The following GUCY1A2 variants were observed in gnomAD, a reference collection of about 807,000 sequenced individuals.
GUCY1A2 encodes the protein guanylate cyclase 1 soluble subunit alpha 2, also known as guanylate cyclase soluble subunit alpha-2.
GUCY1A2 carries 27 observed loss-of-function variants against 63.5 expected under a neutral mutation model. The ratio of observed to expected loss-of-function variants is 0.43; its 90% CI spans 0.31 to 0.59. The LOEUF (loss-of-function observed/expected upper bound fraction) is 0.59. Ranked by LOEUF, GUCY1A2 falls within the 20% of genes least tolerant of loss-of-function variation. The pLI is 0.11. For synonymous variants in GUCY1A2, 364 were observed against 343.5 expected (o/e 1.06, Z -0.66); for missense variants, 768 against 913.3 (o/e 0.84, Z 2.05).
At chr11:106,742,771 TC>T (rs1293739308) in intron 6 of GUCY1A2, among the ~76,000 whole-genome samples, 1 of 152,184 alleles carries the variant, frequency 6.6e-6, no homozygotes, top group Non-Finnish European at 1.5e-5. Context: ...CACACTGTCT[TC>T]CACAATGGTT....
At chr11:106,841,517 A>G (rs1859197820) in intron 4 of GUCY1A2, among the ~76,000 whole-genome samples, 1 of 151,954 alleles carries the variant, frequency 6.6e-6, no homozygotes, top group Non-Finnish European at 1.5e-5. Flanking sequence ...TGAACGAAAT[A>G]AAGCATTCCA....
At chr11:106,731,262 C>A (rs565985570) in intron 6 of GUCY1A2, among the ~76,000 whole-genome samples, 2 of 151,750 alleles carry the variant, frequency 1.3e-5, no homozygotes, top group East Asian at 3.9e-4. Context: ...GATTCATCAC[C>A]TAAAGAGAAC....
chr11:106,914,142 A>G (rs1860336245), intron 4 of GUCY1A2, among the ~76,000 whole-genome samples: 1 of 152,040 alleles, frequency 6.6e-6, no homozygotes, highest in Non-Finnish European at 1.5e-5. Flanking sequence ...GCAACTGTGT[A>G]GTAAGTATAT....
intron 4 of GUCY1A2, among the ~76,000 whole-genome samples, chr11:106,810,698 C>A (rs1184055713): frequency 6.6e-6 from 1 of 151,848 alleles, no homozygotes; most frequent in African/African-American, 2.4e-5. Flanking sequence ...TTTCTAAAGA[C>A]AATAATGAAA....
At chr11:106,773,383 T>C (rs1028644698) in intron 6 of GUCY1A2, among the ~76,000 whole-genome samples, 3 of 152,192 alleles carry the variant, frequency 2.0e-5, no homozygotes, top group Non-Finnish European at 2.9e-5. Context: ...TTCCCAACTA[T>C]ATGGTATACC....
intron 6 of GUCY1A2, among the ~76,000 whole-genome samples, chr11:106,770,953 A>T (rs1421366086): frequency 6.6e-6 from 1 of 151,656 alleles, no homozygotes; most frequent in Non-Finnish European, 1.5e-5. Context: ...TCTAGTTCAC[A>T]ATGTTTCCTG....
In GUCY1A2 at chr11:106,676,830, T is replaced by G. The variant is rs976644554; in HGVS notation, c.*10719A>C. 1 of 199,102 alleles carries G rather than the reference T, an allele frequency of 5.0e-6. No individual in the cohort carries two copies. Among genetic ancestry groups the G allele is most frequent in the African/African-American group, 2.3e-5 (1 of 43,434 alleles). The allele number at this position is 199,102 out of a possible 1,614,324, so 12.3% of individuals were successfully genotyped here. On this transcript the variant is annotated 3_prime_UTR_variant, in exon 8 of 8. Transcript: ENST00000526355. Reference sequence around the variant, plus strand: ...ACTACTTGAAAATAAGAGGTTTTTCTAACTTAAGACATTTGTAAGGGGGTA... The same window carrying G: ...ACTACTTGAAAATAAGAGGTTTTTCGAACTTAAGACATTTGTAAGGGGGTA...
intron 7 of GUCY1A2, among the ~76,000 whole-genome samples, chr11:106,690,117 C>G (rs1271534502): frequency 6.6e-6 from 1 of 152,078 alleles, no homozygotes; most frequent in Non-Finnish European, 1.5e-5. Context: ...TGTGGAGATT[C>G]CTCAAAGACC....
chr11:106,878,174 T>C (rs182294649), intron 4 of GUCY1A2, among the ~76,000 whole-genome samples: 1 of 152,132 alleles, frequency 6.6e-6, no homozygotes, highest in African/African-American at 2.4e-5. Context: ...TTATACACTG[T>C]GAGTGGGAGT....
intron 4 of GUCY1A2, among the ~76,000 whole-genome samples, chr11:106,847,087 A>G (rs893176075): frequency 3.3e-5 from 5 of 151,432 alleles, no homozygotes; most frequent in African/African-American, 1.2e-4. Context: ...CAGCAGAAAC[A>G]ATCCTTATAA....
At chr11:106,977,944 AT>A (rs1469938640) in intron 3 of GUCY1A2, among the ~76,000 whole-genome samples, 1 of 152,196 alleles carries the variant, frequency 6.6e-6, no homozygotes, top group Admixed American at 6.5e-5. Flanking sequence ...TTTAGAATAC[AT>A]TGCATGGAAT....
chr11:106,687,493 G>T lies in GUCY1A2; in HGVS notation c.*56C>A. 7.9e-7 allele frequency: 1 copy of T among 1,271,824 alleles called. No individual in the cohort carries two copies. The highest frequency in any genetic ancestry group is 1.1e-6 in the Non-Finnish European group (1 of 871,084). The allele number at this position is 1,271,824 out of a possible 1,614,324, so 78.8% of individuals were successfully genotyped here. ...CACAATCTCTTTCCACCCCCCATTG[G>T]TGACCCATGTTCTGGGCTTGTGCTT... On this transcript the variant is annotated 3_prime_UTR_variant, in exon 8 of 8. Transcript: ENST00000526355.
chr11:106,729,104 T>A (rs978333644), intron 6 of GUCY1A2, among the ~76,000 whole-genome samples: 3 of 152,184 alleles, frequency 2.0e-5, no homozygotes, highest in Admixed American at 2.0e-4. Flanking sequence ...TTTTATGGTA[T>A]TTAAAGTAAT....
At chr11:106,891,865 A>G (rs532760766) in intron 4 of GUCY1A2, among the ~76,000 whole-genome samples, 1 of 152,230 alleles carries the variant, frequency 6.6e-6, no homozygotes, top group Admixed American at 6.5e-5. Context: ...TCTTGAAGAA[A>G]TGTCTTAGCT....
At chr11:106,904,582 C>G (rs537610948) in intron 4 of GUCY1A2, among the ~76,000 whole-genome samples, 2 of 151,950 alleles carry the variant, frequency 1.3e-5, no homozygotes, top group African/African-American at 4.8e-5. Context: ...CTTTTTAAAG[C>G]TTTTTTTAAT....
Position 106,873,295 on chromosome 11 carries a change from T to A in GUCY1A2, c.1207-62817A>T, listed in dbSNP as rs188936747. Among the ~76,000 whole-genome samples, 7 of 152,286 alleles carry A rather than the reference T, an allele frequency of 4.6e-5. No homozygotes were observed. The Middle Eastern group carries it at 0.01, about 222-fold the overall frequency. On this transcript the variant is annotated intron_variant, in intron 4 of 7. Coordinates refer to ENST00000526355, the MANE Select transcript of GUCY1A2 (RefSeq NM_000855.3). The stretch of plus-strand genomic sequence containing the variant: ...TTTGGGTATATACCCAGTAGTGGGA[T>A]TGCTGGGTCAAATGGTACTTCTGGT...
chr11:106,963,743 C>T lies in GUCY1A2; in HGVS notation c.487+14876G>A, dbSNP rs559963252. ...AGGAATTTATAGCAGCATAAAAATACGCTGCAAACTCTTAAACTCACTTAT... is the reference window on the plus strand; with the variant it reads ...AGGAATTTATAGCAGCATAAAAATATGCTGCAAACTCTTAAACTCACTTAT... On this transcript the variant is annotated intron_variant, in intron 3 of 7. Transcript: ENST00000526355. Among the ~76,000 whole-genome samples, 41 of 152,242 alleles carry T rather than the reference C, an allele frequency of 2.7e-4. 1 individual carries two copies. Among genetic ancestry groups the T allele is most frequent in the African/African-American group, 8.7e-4 (36 of 41,550 alleles).
chr11:106,814,796 G>A (rs1236758839), intron 4 of GUCY1A2, among the ~76,000 whole-genome samples: 1 of 151,862 alleles, frequency 6.6e-6, no homozygotes, highest in Non-Finnish European at 1.5e-5. Context: ...CTAAATAGAG[G>A]AATTGACTGT....
chr11:106,858,412 A>G (rs1859465895), intron 4 of GUCY1A2, among the ~76,000 whole-genome samples: 1 of 152,148 alleles, frequency 6.6e-6, no homozygotes, highest in African/African-American at 2.4e-5. Flanking sequence ...TACTCATCAT[A>G]TATTTAGTGA....
Sources: gnomAD v4.1 joint callset for allele counts (sites outside exome capture counted in the v4.1 genomes callset) on GRCh38, gnomAD v4.1.1 for gene constraint, MANE v1.5 for transcripts, NCBI Gene and HGNC (gene_info 2026-07-23, HGNC 2026-07-21) for gene names.